MSL2: variants seen among roughly 807,000 people sequenced by gnomAD.
The protein encoded by MSL2 is E3 ubiquitin-protein ligase MSL2.
Under a neutral mutation model 35.8 loss-of-function variants are expected in MSL2, and 2 were observed. The observed-to-expected ratio is 0.06, with a 90% CI of 0.02 to 0.18. MSL2 has a LOEUF of 0.18. MSL2 is among the 10% of genes least tolerant of loss of function. The pLI, the probability that MSL2 is intolerant of heterozygous loss-of-function variation, is 1.00. For synonymous variants in MSL2, 296 were observed against 255.7 expected (o/e 1.16, Z -1.50); for missense variants, 523 against 706.7 (o/e 0.74, Z 2.95).
At chr3:136,160,845 T>A (rs1273348244) in intron 1 of MSL2, among the ~76,000 whole-genome samples, 1 of 151,948 alleles carries the variant, frequency 6.6e-6, no homozygotes, top group Non-Finnish European at 1.5e-5. Context: ...TCCCAGCACT[T>A]TAGGAGGACA....
intron 1 of MSL2, among the ~76,000 whole-genome samples, chr3:136,171,640 T>C (rs1397088192): frequency 6.6e-6 from 1 of 152,180 alleles, no homozygotes; most frequent in Non-Finnish European, 1.5e-5. Flanking sequence ...TCTGACAAAT[T>C]TTGAGTAAAA....
At position 136,151,394 on chromosome 3, in the gene MSL2, C is replaced by T; in HGVS notation, c.1487G>A (p.Arg496His). 2 of 1,614,130 alleles carry T rather than the reference C, an allele frequency of 1.2e-6. No individual in the cohort carries two copies. The highest frequency in any genetic ancestry group is 1.7e-6 in the Non-Finnish European group (2 of 1,180,018). The change falls in exon 2 of 2, where the codon CGT becomes CAT. Residue 496 changes from arginine to histidine, a missense_variant. Physicochemically the swap from Arg to His is conservative, Grantham distance 29. Around this residue, in one of 5 missense-constraint regions of MSL2, gnomAD observed 16 missense variants for 86.1 expected, o/e 0.19. Coordinates refer to ENST00000309993, the MANE Select transcript of MSL2 (RefSeq NM_018133.4). The surrounding 1 kb of genome is among the most constrained non-coding windows in gnomAD (Gnocchi z 5.2). Reference protein sequence around the residue: ...NRKACLDCICRGCQNSYMANG... With the variant: ...NRKACLDCICHGCQNSYMANG... ...GGCCATATAGGAGTTTTGGCAGCCA[C>T]GACATATACAATCTAAGCAGGCTTT...
At chr3:136,165,323 C>T (rs1000873003) in intron 1 of MSL2, among the ~76,000 whole-genome samples, 6 of 151,778 alleles carry the variant, frequency 4.0e-5, no homozygotes, top group African/African-American at 1.5e-4. Flanking sequence ...TTTATGTGCT[C>T]TGTCTAAACA....
At chr3:136,162,694 T>C (rs1241620512) in intron 1 of MSL2, among the ~76,000 whole-genome samples, 1 of 152,198 alleles carries the variant, frequency 6.6e-6, no homozygotes, top group East Asian at 1.9e-4. Context: ...ACCATGTAAA[T>C]ATTTTATATA....
chr3:136,164,188 G>A (rs764104957), intron 1 of MSL2, among the ~76,000 whole-genome samples: 1 of 152,092 alleles, frequency 6.6e-6, no homozygotes, highest in Non-Finnish European at 1.5e-5. Flanking sequence ...TTAACTTTAG[G>A]AAATATACCA....
At chr3:136,170,937 G>A (rs1308457765) in intron 1 of MSL2, among the ~76,000 whole-genome samples, 2 of 152,132 alleles carry the variant, frequency 1.3e-5, no homozygotes. Context: ...TGATGGGAGG[G>A]AAAAGAGGCC....
chr3:136,181,970 C>T (rs983584320), intron 1 of MSL2, among the ~76,000 whole-genome samples: 2 of 151,036 alleles, frequency 1.3e-5, no homozygotes, highest in Admixed American at 6.6e-5. Flanking sequence ...TCAAAACTTA[C>T]GTGGGCTGAA....
At chr3:136,180,072 A>G (rs1214810974) in intron 1 of MSL2, among the ~76,000 whole-genome samples, 2 of 152,196 alleles carry the variant, frequency 1.3e-5, no homozygotes, top group African/African-American at 4.8e-5. Context: ...CTCAAAAAAA[A>G]AATAAAAAAT....
At position 136,194,987 on chromosome 3, in the gene MSL2, A is replaced by G. The variant is rs753983030; in HGVS notation, c.127T>C (p.Ser43Pro). 6.2e-7 allele frequency: 1 copy of G among 1,613,808 alleles called. No individual in the cohort carries two copies. The highest frequency in any genetic ancestry group is 8.5e-7 in the Non-Finnish European group (1 of 1,179,960). ...RLLPYFRQSLSCCVCGHLLQD... is the reference protein window; with the variant it reads ...RLLPYFRQSLPCCVCGHLLQD... ...AGCGTCTCACCGCAAACACAGCACG[A>G]AAGGGACTGTCGGAAGTAAGGCAAG... The change falls in exon 1 of 2, where the codon TCG (serine) becomes CCG (proline). Residue 43 changes from serine (S) to proline (P), a missense_variant. By Grantham distance (74) the Ser-to-Pro change is moderately conservative. Coordinates refer to ENST00000309993, the MANE Select transcript of MSL2 (RefSeq NM_018133.4).
chr3:136,195,060 G>C lies in MSL2; in HGVS notation c.54C>G (p.Leu18=), dbSNP rs764073442. The C allele has an allele frequency of 6.2e-7, 1 of 1,614,096 alleles. No homozygotes were observed. Among genetic ancestry groups the C allele is most frequent in the East Asian group, 2.2e-5 (1 of 44,880 alleles). ...CCTTGGGGTCTCCGGGGTCGTAGTT[G>C]AGCACTAGGCGGCTCGCGGAAATGT... The part of the protein sequence containing the change: ...ALYISASRLV[L]NYDPGDPKAF... Residue 18 remains leucine, a synonymous_variant, in exon 1 of 2, where the codon CTC becomes CTG. Coordinates refer to ENST00000309993, the MANE Select transcript of MSL2 (RefSeq NM_018133.4).
intron 1 of MSL2, among the ~76,000 whole-genome samples, chr3:136,166,140 G>A (rs36030234): frequency 6.7e-6 from 1 of 148,950 alleles, no homozygotes; most frequent in South Asian, 2.1e-4. Flanking sequence ...TGTAATCCCA[G>A]TACTTTGGGA....
In MSL2 at chr3:136,152,284, C is replaced by T. The variant is rs1939396843; in HGVS notation, c.597G>A (p.Gly199=). The T allele has an allele frequency of 1.9e-6, 3 of 1,613,900 alleles. No homozygotes were observed. Among genetic ancestry groups the T allele is most frequent in the Non-Finnish European group, 2.5e-6 (3 of 1,179,914 alleles). ...TTATACCAAATCTATCTATTGAAAG[C>T]CCATTATAAGTAGGCAAACCATTGA... is the stretch of plus-strand genomic sequence containing the variant. ...SVINGLPTYN[G]LSIDRFGINI... is the part of the protein sequence containing the mutation. Residue 199 remains glycine, a synonymous_variant, in exon 2 of 2, where the codon GGG becomes GGA. Transcript: ENST00000309993.
Position 136,195,087 on chromosome 3 carries a change from G to A in MSL2, c.27C>T (p.Leu9=), listed in dbSNP as rs147762572. 167 of 1,613,144 alleles carry A rather than the reference G, an allele frequency of 1.0e-4. No homozygotes were observed. In the African/African-American group the frequency reaches 1.9e-3, roughly 18 times the overall value. Residue 9 remains leucine, a synonymous_variant, in exon 1 of 2, where the codon CTC becomes CTT. Coordinates refer to ENST00000309993, the MANE Select transcript of MSL2 (RefSeq NM_018133.4). ...GCACTAGGCGGCTCGCGGAAATGTA[G>A]AGAGCAGTAGCATTCACGGGGTTCA... is the stretch of plus-strand genomic sequence containing the variant. MNPVNATA[L]YISASRLVLN...
chr3:136,189,605 T>C (rs1203523452), intron 1 of MSL2, among the ~76,000 whole-genome samples: 1 of 150,188 alleles, frequency 6.7e-6, no homozygotes, highest in African/African-American at 2.5e-5. Context: ...GTGCCTGCAG[T>C]CCCAGCTACT....
At chr3:136,175,836 A>C (rs538192402) in intron 1 of MSL2, among the ~76,000 whole-genome samples, 1 of 152,160 alleles carries the variant, frequency 6.6e-6, no homozygotes, top group African/African-American at 2.4e-5. Flanking sequence ...TCCTTCCTCC[A>C]TTACATATGT....
chr3:136,155,088 G>A (rs1314828698), intron 1 of MSL2, among the ~76,000 whole-genome samples: 1 of 151,858 alleles, frequency 6.6e-6, no homozygotes, highest in African/African-American at 2.4e-5. Context: ...CACGCCTGTA[G>A]TCCCAGCTAC....
intron 1 of MSL2, among the ~76,000 whole-genome samples, chr3:136,162,203 T>G (rs1216532475): frequency 1.3e-5 from 2 of 150,572 alleles, no homozygotes; most frequent in African/African-American, 4.9e-5. Context: ...CCCAAAGTGC[T>G]GGGATTACAG....
At chr3:136,160,364 AGG>A (rs1939674491) in intron 1 of MSL2, among the ~76,000 whole-genome samples, 1 of 28,184 alleles carries the variant, frequency 3.5e-5, no homozygotes, top group Non-Finnish European at 6.6e-5. Context: ...GGAGGGAGGG[AGG>A]GAGGGAGGGA....
rs560636699 is a variant in MSL2, at chr3:136,171,356, C to T, written c.143-18618G>A. Among the ~76,000 whole-genome samples, 219 of 152,168 alleles carry T rather than the reference C, an allele frequency of 1.4e-3. 1 individual carries two copies. The highest frequency in any genetic ancestry group is 2.5e-3 in the Non-Finnish European group (169 of 68,024). ...AAGGCCTCAGATGACCCAAAAGAAA[C>T]TCTAAAGCTGAATGACTCCTTAGGG... On this transcript the variant is annotated intron_variant, in intron 1 of 1. Coordinates refer to ENST00000309993, the MANE Select transcript of MSL2 (RefSeq NM_018133.4).
Sources: gnomAD v4.1 joint callset for allele counts (sites outside exome capture counted in the v4.1 genomes callset) on GRCh38, gnomAD v4.1.1 for gene constraint, gnomAD v4.1.1 regional missense constraint, Gnocchi (gnomAD v3.1) non-coding constraint, MANE v1.5 for transcripts, NCBI Gene and HGNC (gene_info 2026-07-23, HGNC 2026-07-21) for gene names.